GNE: variants seen among roughly 807,000 people sequenced by gnomAD.
GNE encodes bifunctional UDP-N-acetylglucosamine 2-epimerase/N-acetylmannosamine kinase.
GNE carries 41 observed loss-of-function variants against 61.8 expected under a neutral mutation model. The ratio of observed to expected loss-of-function variants is 0.66; its 90% CI spans 0.52 to 0.86. GNE has a LOEUF of 0.86. GNE is among the 40% of genes least tolerant of loss of function. The probability of loss-of-function intolerance (pLI) is 0.00; values close to 1 mark genes in which losing one functional copy is unlikely to be tolerated. For synonymous variants in GNE, 264 were observed against 326.4 expected (o/e 0.81, Z 2.06); for missense variants, 608 against 909.1 (o/e 0.67, Z 4.26).
upstream of GNE, chr9:36,258,464 C>T: frequency 1.0e-6 from 1 of 985,590 alleles, no homozygotes; most frequent in Non-Finnish European, 1.2e-6. Flanking sequence ...GTCGCTCGAC[C>T]TTGTCCCCAC....
Position 36,218,398 on chromosome 9 carries a change from G to T in GNE, c.1817-99C>A, listed in dbSNP as rs998631740. On this transcript the variant is annotated intron_variant, in intron 10 of 11. Transcript: ENST00000642385. The surrounding 1 kb of genome is among the most constrained non-coding windows in gnomAD (Gnocchi z 4.1). ...AAGCAAGCCCCTACATGGGAAGACG[G>T]TGTTTTCTTTTCACAATTGCAAAGC... The T allele has an allele frequency of 8.4e-6, 7 of 836,272 alleles. No individual in the cohort carries two copies. The highest frequency in any genetic ancestry group is 3.7e-5 in the Admixed American group (2 of 54,414). 51.8% of individuals were successfully genotyped at this position (836,272 alleles called of 1,614,324 possible).
At chr9:36,244,502 A>G (rs1829780810) in intron 3 of GNE, among the ~76,000 whole-genome samples, 1 of 152,212 alleles carries the variant, frequency 6.6e-6, no homozygotes, top group Non-Finnish European at 1.5e-5. Context: ...GGGCTTATTT[A>G]CAAAGATATA....
Position 36,246,149 on chromosome 9 carries a change from C to G in GNE, c.498G>C (p.Gln166His), listed in dbSNP as rs1829863461. 1.9e-6 allele frequency: 3 copies of G among 1,614,148 alleles called. No homozygotes were observed. Among genetic ancestry groups the G allele is most frequent in the Non-Finnish European group, 2.5e-6 (3 of 1,179,954 alleles). Reference sequence around the variant, plus strand: ...GGTCCTCACACATGGATATCAGGTGCTGCTCTGCACTGCGGGTGCAGCACA... The same window carrying G: ...GGTCCTCACACATGGATATCAGGTGGTGCTCTGCACTGCGGGTGCAGCACA... ...YHVCCTRSAE[Q>H]HLISMCEDHD... Residue 166 changes from glutamine to histidine, a missense_variant, in exon 3 of 12, where the codon CAG (glutamine) becomes CAC (histidine). Physicochemically the swap from Gln to His is conservative, Grantham distance 24. Transcript: ENST00000642385.
At position 36,249,208 on chromosome 9, in the gene GNE, G is replaced by C; in HGVS notation, c.148C>G (p.Leu50Val). Residue 50 changes from leucine to valine, a missense_variant, in exon 2 of 12, where the codon CTG becomes GTG. Physicochemically the swap from Leu to Val is conservative, Grantham distance 32. Transcript: ENST00000642385. ...TCATCTTACCCATAGTCATCTATCA[G>C]GTGAGAGCCAAGTACCACAACATCA... The part of the protein sequence containing the change: ...ELDVVVLGSH[L>V]IDDYGNTYRM... 2 of 1,613,212 alleles carry C rather than the reference G, an allele frequency of 1.2e-6. No individual in the cohort carries two copies. The highest frequency in any genetic ancestry group is 1.7e-6 in the Non-Finnish European group (2 of 1,179,158).
intron 1 of GNE, among the ~76,000 whole-genome samples, chr9:36,269,575 A>G (rs569623409): frequency 4.6e-5 from 7 of 152,108 alleles, no homozygotes; most frequent in Non-Finnish European, 1.0e-4. Flanking sequence ...TCATATTTTA[A>G]TCTTCGCTCT....
At chr9:36,269,156 G>C (rs1435429557) in intron 1 of GNE, among the ~76,000 whole-genome samples, 1 of 148,152 alleles carries the variant, frequency 6.7e-6, no homozygotes, top group Non-Finnish European at 1.5e-5. Flanking sequence ...GCCTAAGCAT[G>C]AACATAAGGC....
In GNE at chr9:36,234,100, T is replaced by A; in HGVS notation, c.802A>T (p.Lys268Ter). ...AAGTTGGGATGATGCTCAATGCCCTTCTTCCGCATCACTCGAACCATCTCT... is the reference window on the plus strand; with the variant it reads ...AAGTTGGGATGATGCTCAATGCCCTACTTCCGCATCACTCGAACCATCTCT... ...SKEMVRVMRK[K>*]GIEHHPNFRA... is the part of the protein sequence containing the mutation. The change falls in exon 5 of 12, where the codon AAG becomes TAG. Residue 268 changes from lysine to a stop codon, truncating the protein, a stop_gained. Transcript: ENST00000642385. LOFTEE classifies it high-confidence loss of function. 6.2e-7 allele frequency: 1 copy of A among 1,613,922 alleles called. No individual in the cohort carries two copies. The highest frequency in any genetic ancestry group is 8.5e-7 in the Non-Finnish European group (1 of 1,179,794).
intron 1 of GNE, among the ~76,000 whole-genome samples, chr9:36,270,730 G>C (rs992424441): frequency 6.6e-6 from 1 of 151,702 alleles, no homozygotes; most frequent in Non-Finnish European, 1.5e-5. Context: ...TGTTAGCCAG[G>C]ATGGTCTCGA....
chr9:36,221,128 C>A (rs1411231036), intron 9 of GNE, among the ~76,000 whole-genome samples: 1 of 152,138 alleles, frequency 6.6e-6, no homozygotes, highest in African/African-American at 2.4e-5. Context: ...CAAGACCAGC[C>A]TGACCAACGT....
At chr9:36,276,394 T>C (rs550478791) in intron 1 of GNE, among the ~76,000 whole-genome samples, 1 of 152,328 alleles carries the variant, frequency 6.6e-6, no homozygotes, top group Non-Finnish European at 1.5e-5. Context: ...TAATTTCCTT[T>C]TTATTTGACT....
intron 3 of GNE, among the ~76,000 whole-genome samples, chr9:36,242,729 CTTGTTT>C (rs1829692222): frequency 1.1e-5 from 1 of 92,922 alleles, no homozygotes; most frequent in African/African-American, 4.1e-5. Flanking sequence ...GGGTTTTATG[CTTGTTT>C]TTTTTTTTTT....
chr9:36,253,514 A>G (rs1307993521), intron 1 of GNE, among the ~76,000 whole-genome samples: 1 of 151,366 alleles, frequency 6.6e-6, no homozygotes, highest in Non-Finnish European at 1.5e-5. Flanking sequence ...CTGACCTCAC[A>G]TGATCCACCC....
chr9:36,246,830 A>G (rs1247413357), intron 2 of GNE, among the ~76,000 whole-genome samples: 2 of 151,456 alleles, frequency 1.3e-5, no homozygotes, highest in African/African-American at 2.4e-5. Context: ...CACCACACCC[A>G]GCTAATTTTT....
chr9:36,252,714 A>G (rs1002808085), intron 1 of GNE, among the ~76,000 whole-genome samples: 6 of 152,324 alleles, frequency 3.9e-5, no homozygotes, highest in African/African-American at 1.4e-4. Flanking sequence ...AATTAACTAA[A>G]TTTTTGATCA....
chr9:36,236,821 A>T lies in GNE; in HGVS notation c.769+11T>A. ...AGTAGGTGGCATAATTTCATTTTCAAGTTCAATTACCTGCGTCAATATTTG... is the reference window on the plus strand; with the variant it reads ...AGTAGGTGGCATAATTTCATTTTCATGTTCAATTACCTGCGTCAATATTTG... On this transcript the variant is annotated intron_variant, in intron 4 of 11. Transcript: ENST00000642385. 6.2e-7 allele frequency: 1 copy of T among 1,612,860 alleles called. No individual in the cohort carries two copies. Among genetic ancestry groups the T allele is most frequent in the Non-Finnish European group, 8.5e-7 (1 of 1,178,912 alleles).
At chr9:36,233,666 CAAAA>C (rs34150061) in intron 5 of GNE, among the ~76,000 whole-genome samples, 2 of 145,500 alleles carry the variant, frequency 1.4e-5, no homozygotes, top group Non-Finnish European at 1.5e-5. Context: ...GACTCCATCT[CAAAA>C]AAAAAAAAAG....
At position 36,223,018 on chromosome 9, in the gene GNE, C is replaced by T. The variant is rs751339818; in HGVS notation, c.1412-20G>A. On this transcript the variant is annotated intron_variant, in intron 8 of 11. Coordinates refer to ENST00000642385, the MANE Select transcript of GNE (RefSeq NM_005476.7). Reference sequence around the variant, plus strand: ...AAATGCCTGCGCTCCACCACAAACACAAGGAAATAATGCTGATGAGCAATC... The same window carrying T: ...AAATGCCTGCGCTCCACCACAAACATAAGGAAATAATGCTGATGAGCAATC... 3 of 1,605,388 alleles carry T rather than the reference C, an allele frequency of 1.9e-6. No homozygotes were observed.
Position 36,255,872 on chromosome 9 carries a change from G to A in GNE, c.-43+2449C>T, listed in dbSNP as rs1587360145. Among the ~76,000 whole-genome samples, 3 of 152,224 alleles carry A rather than the reference G, an allele frequency of 2.0e-5. No homozygotes were observed. In the South Asian group the frequency reaches 6.2e-4, roughly 32 times the overall value. On this transcript the variant is annotated intron_variant, in intron 1 of 11. Coordinates refer to ENST00000642385, the MANE Select transcript of GNE (RefSeq NM_005476.7). ...TTAGACAGATAGATGATAGTTTTCG[G>A]ACAAGTTTGCCTTCATCTTGAACTC...
upstream of GNE, among the ~76,000 whole-genome samples, chr9:36,262,958 A>G (rs1277368155): frequency 1.3e-5 from 2 of 152,174 alleles, no homozygotes; most frequent in Non-Finnish European, 2.9e-5. Context: ...ACTCATAACA[A>G]CATTAAGATG....
Sources: gnomAD v4.1 joint callset for allele counts (sites outside exome capture counted in the v4.1 genomes callset) on GRCh38, gnomAD v4.1.1 for gene constraint, Gnocchi (gnomAD v3.1) non-coding constraint, MANE v1.5 for transcripts, NCBI Gene and HGNC (gene_info 2026-07-23, HGNC 2026-07-21) for gene names.